The following ATG5 variants were observed in gnomAD, a reference collection of about 807,000 sequenced individuals.
ATG5 encodes the protein autophagy protein 5.
ATG5 carries 14 observed loss-of-function variants against 36.5 expected under a neutral mutation model. That is an observed-to-expected ratio of 0.38 (90% CI 0.25 to 0.60). The LOEUF is 0.60. Among genes scored for constraint, ATG5 ranks in the 20% least tolerant of loss-of-function variants. ATG5 has a pLI of 0.60. For synonymous variants in ATG5, 95 were observed against 101.5 expected (o/e 0.94, Z 0.38); for missense variants, 195 against 326.7 (o/e 0.60, Z 3.11).
At position 106,231,140 on chromosome 6, in the gene ATG5, G is replaced by A. The variant is rs543337606; in HGVS notation, c.573+17010C>T. On this transcript the variant is annotated intron_variant, in intron 6 of 7. Coordinates refer to ENST00000369076, the MANE Select transcript of ATG5 (RefSeq NM_004849.4). ...CCTCCAAGCGGTGGGAGGAGAATTC[G>A]GCCCAGCCAGAGTGCACGTACCTTT... 5.6e-4 allele frequency among the ~76,000 whole-genome samples: 85 copies of A among 152,170 alleles called. 2 individuals are homozygous for A. Among genetic ancestry groups the A allele is most frequent in the South Asian group, 1.0e-3 (5 of 4,810 alleles).
intron 4 of ATG5, among the ~76,000 whole-genome samples, chr6:106,281,903 T>A (rs1779894789): frequency 6.6e-6 from 1 of 152,204 alleles, no homozygotes; most frequent in South Asian, 2.1e-4. Flanking sequence ...GTGGTTTTAA[T>A]TTACATTTCC....
intron 2 of ATG5, among the ~76,000 whole-genome samples, chr6:106,314,908 T>C (rs1288546550): frequency 6.6e-6 from 1 of 152,112 alleles, no homozygotes; most frequent in African/African-American, 2.4e-5. Context: ...TAAGCTTGAG[T>C]ACCAGTAACA....
chr6:106,234,032 G>A, intron 6 of ATG5, among the ~76,000 whole-genome samples: 1 of 152,172 alleles, frequency 6.6e-6, no homozygotes, highest in East Asian at 1.9e-4. Context: ...TTATTGGACA[G>A]GGAAAATGAT....
chr6:106,255,591 A>G (rs1199331405), intron 5 of ATG5, among the ~76,000 whole-genome samples: 1 of 152,238 alleles, frequency 6.6e-6, no homozygotes, highest in Non-Finnish European at 1.5e-5. Flanking sequence ...TTCATTTTTA[A>G]GTAGACAGGA....
chr6:106,209,500 C>CA (rs1474721959), intron 6 of ATG5, among the ~76,000 whole-genome samples: 1 of 152,052 alleles, frequency 6.6e-6, no homozygotes, highest in Non-Finnish European at 1.5e-5. Context: ...AAATGGAAAA[C>CA]AAATTAGTAG....
At chr6:106,224,655 C>A (rs1205414985) in intron 6 of ATG5, among the ~76,000 whole-genome samples, 1 of 152,126 alleles carries the variant, frequency 6.6e-6, no homozygotes, top group Non-Finnish European at 1.5e-5. Context: ...GTGGGCGGAT[C>A]ACCTGAGGTC....
intron 5 of ATG5, among the ~76,000 whole-genome samples, chr6:106,267,177 C>T (rs574454584): frequency 2.4e-4 from 36 of 152,314 alleles, no homozygotes; most frequent in Non-Finnish European, 4.7e-4. Context: ...GCAAAAATCA[C>T]AAGCATTCCT....
chr6:106,239,472 A>G (rs1271438217), intron 6 of ATG5, among the ~76,000 whole-genome samples: 1 of 152,222 alleles, frequency 6.6e-6, no homozygotes, highest in East Asian at 1.9e-4. Context: ...GGGGAACTGA[A>G]TAAGTGATTT....
At chr6:106,201,279 G>A (rs1352226214) in intron 7 of ATG5, among the ~76,000 whole-genome samples, 2 of 106,372 alleles carry the variant, frequency 1.9e-5, no homozygotes, top group Non-Finnish European at 3.7e-5. Flanking sequence ...GTGTATATGT[G>A]TGTGTGTGTG....
chr6:106,249,265 C>A lies in ATG5; in HGVS notation c.479-1021G>T, dbSNP rs184509744. Among the ~76,000 whole-genome samples the A allele has an allele frequency of 1.2e-4, 18 of 152,280 alleles. No homozygotes were observed. The East Asian group carries it at 3.5e-3, about 29-fold the overall frequency. ...TATTAATAGTCACTTCCCACTCCCC[C>A]TTGCCCCAGCCCCTGAAAAATCACT... On this transcript the variant is annotated intron_variant, in intron 5 of 7. Coordinates refer to ENST00000369076, the MANE Select transcript of ATG5 (RefSeq NM_004849.4).
chr6:106,286,185 A>C (rs1014186871), intron 4 of ATG5, among the ~76,000 whole-genome samples: 3 of 152,152 alleles, frequency 2.0e-5, no homozygotes, highest in African/African-American at 7.2e-5. Context: ...TACCCTGCCT[A>C]GCAAGTTCCA....
rs200861048 is a variant in ATG5 at position 106,280,993 on chromosome 6, C to CA, written c.316-1171dup. On this transcript the variant is annotated intron_variant, in intron 4 of 7. Coordinates refer to ENST00000369076, the MANE Select transcript of ATG5 (RefSeq NM_004849.4). ...TAAATTTAAAAGGAGCTAAAAATGG[C>CA]AAAAAAACAGCATTTAGTTATAGCC... Among the ~76,000 whole-genome samples the CA allele has an allele frequency of 9.0e-3, 1,369 of 151,832 alleles. 12 individuals are homozygous for CA. Among genetic ancestry groups the CA allele is most frequent in the African/African-American group, 0.029 (1,217 of 41,428 alleles).
chr6:106,279,692 A>G lies in ATG5; in HGVS notation c.447T>C (p.Asp149=). The change falls in exon 5 of 8, where the codon GAT becomes GAC. Residue 149 remains aspartate (D), a synonymous_variant. Coordinates refer to ENST00000369076, the MANE Select transcript of ATG5 (RefSeq NM_004849.4). ...GCAATCCCATCCAGAGTTGCTTGTGATCTTTTTTCTGCATTTCATTGATTA... is the reference window on the plus strand; with the variant it reads ...GCAATCCCATCCAGAGTTGCTTGTGGTCTTTTTTCTGCATTTCATTGATTA... The part of the protein sequence containing the change: ...SQVINEMQKK[D]HKQLWMGLQN... 6.2e-7 allele frequency: 1 copy of G among 1,602,084 alleles called. No homozygotes were observed. Among genetic ancestry groups the G allele is most frequent in the African/African-American group, 1.3e-5 (1 of 74,492 alleles).
chr6:106,190,440 T>G (rs766980853), intron 7 of ATG5, among the ~76,000 whole-genome samples: 12 of 152,192 alleles, frequency 7.9e-5, no homozygotes, highest in Admixed American at 2.0e-4. Flanking sequence ...CATTGGGGAT[T>G]AAGCTTCTAA....
At chr6:106,280,931 A>G (rs924003332) in intron 4 of ATG5, among the ~76,000 whole-genome samples, 7 of 152,132 alleles carry the variant, frequency 4.6e-5, no homozygotes, top group African/African-American at 1.7e-4. Flanking sequence ...ATATTCAAAC[A>G]TTATTTTACA....
At chr6:106,265,219 CA>C (rs904050235) in intron 5 of ATG5, among the ~76,000 whole-genome samples, 1 of 122,300 alleles carries the variant, frequency 8.2e-6, no homozygotes, top group Non-Finnish European at 1.8e-5. Flanking sequence ...CCTGATAAAA[CA>C]GACTTTAAAC....
intron 6 of ATG5, among the ~76,000 whole-genome samples, chr6:106,202,755 A>T (rs1346426864): frequency 2.0e-5 from 3 of 152,114 alleles, no homozygotes; most frequent in Admixed American, 1.3e-4. Flanking sequence ...TCTACTTTCC[A>T]GGTTCAAGTG....
chr6:106,253,565 T>C (rs1343482697), intron 5 of ATG5, among the ~76,000 whole-genome samples: 1 of 152,182 alleles, frequency 6.6e-6, no homozygotes, highest in Non-Finnish European at 1.5e-5. Flanking sequence ...TCAAGAACAG[T>C]AATCAATATA....
intron 1 of ATG5, among the ~76,000 whole-genome samples, chr6:106,318,559 T>C (rs1212764717): frequency 6.6e-6 from 1 of 152,172 alleles, no homozygotes; most frequent in Non-Finnish European, 1.5e-5. Flanking sequence ...GTACAAAAAC[T>C]AGTGAAAGAT....
Sources: allele counts gnomAD v4.1 joint callset (sites outside exome capture counted in the v4.1 genomes callset), GRCh38; gene constraint gnomAD v4.1.1; transcripts MANE v1.5; gene names NCBI Gene and HGNC (gene_info 2026-07-23, HGNC 2026-07-21).